TMC1: variants seen among roughly 807,000 people sequenced by gnomAD.
The protein encoded by TMC1 is transmembrane channel like 1, also known as transmembrane channel-like protein 1.
In TMC1, 84 loss-of-function variants were observed where a neutral mutation model predicts 105.8. The ratio of observed to expected loss-of-function variants is 0.79; its 90% CI spans 0.67 to 0.95. The LOEUF (loss-of-function observed/expected upper bound fraction) is 0.95, where lower values mean the gene tolerates loss of function less well. Among genes scored for constraint, TMC1 ranks in the 40% least tolerant of loss-of-function variants. The pLI is 0.00. For missense variants in TMC1, 817 were observed against 914.1 expected (o/e 0.89, Z 1.37); for synonymous variants, 315 against 311.5 (o/e 1.01, Z -0.12).
In TMC1 at chr9:72,640,293, A is replaced by G. The variant is rs570740894; in HGVS notation, c.-52-8304A>G. ...CTCCAACTTAACATTTTAGCACTCAAAAGTATGTGATGTGGAGGATAAATT... is the reference window on the plus strand; with the variant it reads ...CTCCAACTTAACATTTTAGCACTCAGAAGTATGTGATGTGGAGGATAAATT... On this transcript the variant is annotated intron_variant, in intron 4 of 23. Coordinates refer to ENST00000297784, the MANE Select transcript of TMC1 (RefSeq NM_138691.3). Among the ~76,000 whole-genome samples the G allele has an allele frequency of 2.0e-5, 3 of 152,336 alleles. No individual in the cohort carries two copies. In the South Asian group the frequency reaches 6.2e-4, roughly 32 times the overall value.
intron 5 of TMC1, among the ~76,000 whole-genome samples, chr9:72,654,541 C>G (rs1239432593): frequency 6.6e-6 from 1 of 151,894 alleles, no homozygotes; most frequent in Non-Finnish European, 1.5e-5. Flanking sequence ...AAATCTTTAA[C>G]TTATCACAGT....
At chr9:72,772,123 G>A (rs931063400) in intron 12 of TMC1, among the ~76,000 whole-genome samples, 1 of 152,084 alleles carries the variant, frequency 6.6e-6, no homozygotes, top group Non-Finnish European at 1.5e-5. Flanking sequence ...GTGTTTTGAT[G>A]TTTAAATCAA....
intron 5 of TMC1, among the ~76,000 whole-genome samples, chr9:72,652,399 A>T (rs989818078): frequency 6.6e-6 from 1 of 152,176 alleles, no homozygotes; most frequent in Non-Finnish European, 1.5e-5. Flanking sequence ...ATATAGAATG[A>T]CAAGGGAAGA....
intron 10 of TMC1, among the ~76,000 whole-genome samples, chr9:72,748,698 A>T (rs2118045476): frequency 6.6e-6 from 1 of 152,266 alleles, no homozygotes; most frequent in South Asian, 2.1e-4. Flanking sequence ...GATAAAAGGG[A>T]TAAAGAGGGA....
At chr9:72,588,871 G>T (rs1343152721) in intron 2 of TMC1, among the ~76,000 whole-genome samples, 3 of 151,858 alleles carry the variant, frequency 2.0e-5, no homozygotes, top group South Asian at 2.1e-4. Flanking sequence ...TGCCTCCTGG[G>T]TTCAAGTGAT....
intron 8 of TMC1, among the ~76,000 whole-genome samples, chr9:72,725,839 C>T (rs538096220): frequency 6.1e-4 from 93 of 152,030 alleles, no homozygotes; most frequent in Non-Finnish European, 7.8e-4. Flanking sequence ...TACAGGTGGC[C>T]GCCACCATGC....
rs727503485 is a variant in TMC1 at position 72,805,368 on chromosome 9, T to G, written c.1567-14T>G. 66 of 1,613,076 alleles carry G rather than the reference T, an allele frequency of 4.1e-5. No homozygotes were observed. Among genetic ancestry groups the G allele is most frequent in the Non-Finnish European group, 5.5e-5 (65 of 1,179,426 alleles). On this transcript the variant is annotated splice_polypyrimidine_tract_variant and intron_variant, in intron 17 of 23. Coordinates refer to ENST00000297784, the MANE Select transcript of TMC1 (RefSeq NM_138691.3). ...ACAGAACTGTGTGTTTTAATAGAGA[T>G]AATATCTCAACAGGAGTTTGTGAGG...
chr9:72,768,932 C>T (rs551011523), intron 12 of TMC1, among the ~76,000 whole-genome samples: 1 of 152,296 alleles, frequency 6.6e-6, no homozygotes, highest in South Asian at 2.1e-4. Flanking sequence ...TTCCAAGAGG[C>T]CCTGTCACCA....
At position 72,751,831 on chromosome 9, in the gene TMC1, T is replaced by G. The variant is rs1221084933; in HGVS notation, c.536-19T>G. ...TTTGCTTTGATCTCTCTTCAAACTT[T>G]TTATTTTCTTTGTAATAGGTCAGTT... On this transcript the variant is annotated intron_variant, in intron 10 of 23. Coordinates refer to ENST00000297784, the MANE Select transcript of TMC1 (RefSeq NM_138691.3). The G allele has an allele frequency of 2.6e-6, 4 of 1,544,050 alleles. No homozygotes were observed. The highest frequency in any genetic ancestry group is 3.6e-6 in the Non-Finnish European group (4 of 1,116,728).
intron 8 of TMC1, among the ~76,000 whole-genome samples, chr9:72,720,694 G>A (rs1474827691): frequency 6.6e-6 from 1 of 152,180 alleles, no homozygotes; most frequent in African/African-American, 2.4e-5. Context: ...GATGCAAGAG[G>A]AACAAACTGG....
intron 12 of TMC1, among the ~76,000 whole-genome samples, chr9:72,755,324 C>T (rs1223187959): frequency 6.6e-6 from 1 of 152,068 alleles, no homozygotes; most frequent in Non-Finnish European, 1.5e-5. Flanking sequence ...TTGTTGGATT[C>T]CTAGGGAATT....
At chr9:72,663,503 C>G (rs1254619686) in intron 5 of TMC1, among the ~76,000 whole-genome samples, 1 of 152,164 alleles carries the variant, frequency 6.6e-6, no homozygotes, top group Non-Finnish European at 1.5e-5. Flanking sequence ...CAAAGTTAAA[C>G]TATAAACTAA....
chr9:72,786,727 C>T (rs866790288), intron 13 of TMC1, among the ~76,000 whole-genome samples: 5 of 152,126 alleles, frequency 3.3e-5, no homozygotes, highest in African/African-American at 1.2e-4. Flanking sequence ...GGCATCTTTC[C>T]TTATTCCTTT....
intron 20 of TMC1, among the ~76,000 whole-genome samples, chr9:72,823,641 G>A (rs535540466): frequency 1.9e-4 from 29 of 152,120 alleles, no homozygotes; most frequent in Non-Finnish European, 3.1e-4. Context: ...TGGATTTATC[G>A]TAAATAGTTG....
At chr9:72,765,696 C>T (rs1827819162) in intron 12 of TMC1, among the ~76,000 whole-genome samples, 1 of 151,240 alleles carries the variant, frequency 6.6e-6, no homozygotes, top group African/African-American at 2.4e-5. Flanking sequence ...TTTCATTATG[C>T]TCAAGTCAGA....
At chr9:72,594,282 G>A (rs1824685029) in intron 2 of TMC1, among the ~76,000 whole-genome samples, 1 of 152,176 alleles carries the variant, frequency 6.6e-6, no homozygotes, top group South Asian at 2.1e-4. Flanking sequence ...CAAGACAAAG[G>A]GGTTTGGGCC....
intron 8 of TMC1, among the ~76,000 whole-genome samples, chr9:72,728,293 A>T (rs1564517524): frequency 6.6e-6 from 1 of 152,180 alleles, no homozygotes; most frequent in Non-Finnish European, 1.5e-5. Context: ...GGGGGAACTA[A>T]TGGAAAATAA....
At chr9:72,657,184 A>G (rs1030731762) in intron 5 of TMC1, among the ~76,000 whole-genome samples, 1 of 152,192 alleles carries the variant, frequency 6.6e-6, no homozygotes, top group African/African-American at 2.4e-5. Context: ...AATCAGAACT[A>G]TGTCTCCTCA....
At position 72,638,753 on chromosome 9, in the gene TMC1, C is replaced by T. The variant is rs534319641; in HGVS notation, c.-52-9844C>T. 7.9e-5 allele frequency among the ~76,000 whole-genome samples: 12 copies of T among 152,206 alleles called. No individual in the cohort carries two copies. In the East Asian group the frequency reaches 2.3e-3, roughly 29 times the overall value. On this transcript the variant is annotated intron_variant, in intron 4 of 23. Coordinates refer to ENST00000297784, the MANE Select transcript of TMC1 (RefSeq NM_138691.3). ...CATGGAGAGGGCTAGTGATGACTGG[C>T]GAAGGTCACAGAGCTACTATGTGTT...
Sources: gnomAD v4.1 joint callset for allele counts (sites outside exome capture counted in the v4.1 genomes callset) on GRCh38, gnomAD v4.1.1 for gene constraint, MANE v1.5 for transcripts, NCBI Gene and HGNC (gene_info 2026-07-23, HGNC 2026-07-21) for gene names.